Variants in ADD1 observed in about 807,000 individuals in gnomAD.
ADD1 encodes the protein adducin 1, also known as alpha-adducin.
ADD1 carries 24 observed loss-of-function variants against 80.5 expected under a neutral mutation model. That is an observed-to-expected ratio of 0.30 (90% CI 0.22 to 0.42). The LOEUF (loss-of-function observed/expected upper bound fraction) is 0.42, where lower values mean the gene tolerates loss of function less well. Ranked by LOEUF, ADD1 falls within the 10% of genes least tolerant of loss-of-function variation. The probability of loss-of-function intolerance (pLI) is 1.00; values close to 1 mark genes in which losing one functional copy is unlikely to be tolerated. For synonymous variants in ADD1, 373 were observed against 393.8 expected, an observed-to-expected ratio of 0.95 and a Z score of 0.63; for missense variants, 948 against 1,019.0, an observed-to-expected ratio of 0.93 and a Z score of 0.95.
At chr4:2,845,834 A>G (rs1726117473) in intron 1 of ADD1, among the ~76,000 whole-genome samples, 2 of 152,244 alleles carry the variant, frequency 1.3e-5, no homozygotes, top group Admixed American at 1.3e-4. Context: ...GCTTTGAAAG[A>G]TAACAAAATA....
chr4:2,852,292 TTTTC>T, intron 1 of ADD1, among the ~76,000 whole-genome samples: 1 of 144,980 alleles, frequency 6.9e-6, no homozygotes, highest in African/African-American at 2.6e-5. Flanking sequence ...TTTTCTTTTC[TTTTC>T]TTTTCTTTTC....
At chr4:2,878,569 C>G (rs1731726884) in intron 2 of ADD1, among the ~76,000 whole-genome samples, 1 of 152,118 alleles carries the variant, frequency 6.6e-6, no homozygotes, top group Non-Finnish European at 1.5e-5. Flanking sequence ...AGGCATTGTT[C>G]TAGGCACTGG....
At chr4:2,921,481 T>G (rs1740032835) in intron 14 of ADD1, among the ~76,000 whole-genome samples, 1 of 152,218 alleles carries the variant, frequency 6.6e-6, no homozygotes, top group South Asian at 2.1e-4. Flanking sequence ...TCTTCTGGCT[T>G]GTAGGGTTTC....
chr4:2,908,467 C>A, intron 11 of ADD1, 48 bp from the exon 12 acceptor site: 1 of 1,549,884 alleles, frequency 6.5e-7, no homozygotes, highest in East Asian at 2.2e-5. Flanking sequence ...TCCCAGGCAG[C>A]ATGGCTGCTC....
At chr4:2,873,808 A>G (rs906678758) in intron 1 of ADD1, among the ~76,000 whole-genome samples, 3 of 152,220 alleles carry the variant, frequency 2.0e-5, no homozygotes, top group Admixed American at 6.5e-5. Flanking sequence ...ATTGCCAGAT[A>G]ACTCTTATTG....
rs558242176 is a variant in ADD1, at chr4:2,908,995, A to T, written c.1699-344A>T. On this transcript the variant is annotated intron_variant, in intron 12 of 15. Coordinates refer to ENST00000683351, the MANE Select transcript of ADD1 (RefSeq NM_001354761.2). ...CAACAAAGTGCTGCTTGGGTTGCAG[A>T]GGGGTGGGTGCCTGTAAGTGTGGTG... 3 of 443,238 alleles carry T rather than the reference A, an allele frequency of 6.8e-6. No individual in the cohort carries two copies. The South Asian group carries it at 7.3e-5, about 11-fold the overall frequency. The allele number at this position is 443,238 out of a possible 1,614,324, so 27.5% of individuals were successfully genotyped here.
At chr4:2,852,358 G>A (rs1291239309) in intron 1 of ADD1, among the ~76,000 whole-genome samples, 5 of 108,446 alleles carry the variant, frequency 4.6e-5, no homozygotes, top group Non-Finnish European at 5.2e-5. Context: ...AGAGAGTCTC[G>A]CTCTTTCGCC....
chr4:2,882,084 A>G (rs1278474377), intron 3 of ADD1, 24 bp downstream of exon 3: 2 of 1,571,748 alleles, frequency 1.3e-6, no homozygotes, highest in Admixed American at 2.0e-5. Context: ...GATTTTTAAT[A>G]TATGTTCTGT....
chr4:2,928,087 TC>T (rs1553854919), intron 15 of ADD1, 83 bp from the exon 16 acceptor site: 33 of 1,229,520 alleles, frequency 2.7e-5, no homozygotes, highest in Non-Finnish European at 1.3e-5. Context: ...AATGGCAGTT[TC>T]GTGTGTGGGG....
intron 14 of ADD1, among the ~76,000 whole-genome samples, chr4:2,921,649 GT>G (rs1740066371): frequency 1.3e-5 from 2 of 152,118 alleles, no homozygotes; most frequent in African/African-American, 2.4e-5. Flanking sequence ...TCTCTGTGGT[GT>G]TTCTGTATTT....
At chr4:2,923,656 G>A (rs1050690158) in intron 14 of ADD1, among the ~76,000 whole-genome samples, 2 of 152,230 alleles carry the variant, frequency 1.3e-5, no homozygotes, top group East Asian at 1.9e-4. Context: ...GCTTCACCGG[G>A]GAGAGACCTC....
At chr4:2,906,445 C>G (rs371108585) in intron 10 of ADD1, among the ~76,000 whole-genome samples, 1 of 151,648 alleles carries the variant, frequency 6.6e-6, no homozygotes, top group East Asian at 1.9e-4. Flanking sequence ...AAGCACAGTG[C>G]TGAATTGCCA....
At chr4:2,847,266 C>T (rs896897490) in intron 1 of ADD1, among the ~76,000 whole-genome samples, 1 of 148,520 alleles carries the variant, frequency 6.7e-6, no homozygotes, top group South Asian at 2.2e-4. Flanking sequence ...ACTAAAAATA[C>T]AAAAATTAGC....
chr4:2,891,835 T>G (rs758995818), intron 4 of ADD1, among the ~76,000 whole-genome samples: 3 of 152,190 alleles, frequency 2.0e-5, no homozygotes, highest in African/African-American at 7.2e-5. Context: ...CAGGTGAGTT[T>G]AGCCTACAGA....
intron 1 of ADD1, among the ~76,000 whole-genome samples, chr4:2,851,138 C>G (rs1440226701): frequency 6.6e-6 from 1 of 152,120 alleles, no homozygotes; most frequent in Admixed American, 6.6e-5. Flanking sequence ...ACCTGGAACT[C>G]CTGGGCTCAA....
At chr4:2,908,719 G>A in intron 12 of ADD1, 115 bp downstream of exon 12, 1 of 842,960 alleles carries the variant, frequency 1.2e-6, no homozygotes. Context: ...TAGGCAACCA[G>A]TTACCTTTGT....
chr4:2,917,452 T>G (rs1739279835), intron 14 of ADD1, among the ~76,000 whole-genome samples: 1 of 152,244 alleles, frequency 6.6e-6, no homozygotes, highest in South Asian at 2.1e-4. Context: ...ATGGATAGAT[T>G]GCAAAAATTT....
intron 6 of ADD1, among the ~76,000 whole-genome samples, chr4:2,897,630 G>A (rs755186245): frequency 1.4e-5 from 2 of 141,616 alleles, no homozygotes; most frequent in Non-Finnish European, 1.5e-5. Flanking sequence ...GATTCCTCCT[G>A]CCTCAGCCTC....
chr4:2,859,161 G>C (rs1728494123), intron 1 of ADD1, among the ~76,000 whole-genome samples: 1 of 152,072 alleles, frequency 6.6e-6, no homozygotes, highest in Non-Finnish European at 1.5e-5. Context: ...AAATTATAGA[G>C]GCACTGTGGA....
Sources: gnomAD v4.1 joint callset for allele counts (sites outside exome capture counted in the v4.1 genomes callset) on GRCh38, gnomAD v4.1.1 for gene constraint, MANE v1.5 for transcripts, NCBI Gene and HGNC (gene_info 2026-07-23, HGNC 2026-07-21) for gene names.